DLGAP4: variants seen among roughly 807,000 people sequenced by gnomAD.
DLGAP4 encodes the protein disks large-associated protein 4.
DLGAP4 carries 18 observed loss-of-function variants against 86.9 expected under a neutral mutation model. That is an observed-to-expected ratio of 0.21 (90% confidence interval 0.14 to 0.31). DLGAP4 has a LOEUF of 0.31. DLGAP4 is among the 10% of genes least tolerant of loss of function. The pLI, the probability that DLGAP4 is intolerant of heterozygous loss-of-function variation, is 1.00. For missense variants in DLGAP4, 1,085 were observed against 1,362.6 expected (o/e 0.80, Z 3.21); for synonymous variants, 548 against 574.3 (o/e 0.95, Z 0.65).
In DLGAP4 at chr20:36,350,383, A is replaced by G. The variant is rs187394906; in HGVS notation, c.-303-16662A>G. ...GCAGTGGGGTCCTGTGACCTTATCC[A>G]TCCACCTGGCCCTGAGGAGGCCCCT... On this transcript the variant is annotated intron_variant, in intron 1 of 12. Transcript: ENST00000339266. This position sits in a 1 kb window ranked among gnomAD's most constrained non-coding sequence, Gnocchi z 4.4. 5.8e-4 allele frequency among the ~76,000 whole-genome samples: 88 copies of G among 152,286 alleles called. No homozygotes were observed. The highest frequency in any genetic ancestry group is 3.4e-3 in the Middle Eastern group (1 of 292).
chr20:36,382,660 G>T (rs1202128676), intron 2 of DLGAP4, among the ~76,000 whole-genome samples: 1 of 151,522 alleles, frequency 6.6e-6, no homozygotes, highest in Non-Finnish European at 1.5e-5. Flanking sequence ...CTCCCGAGTA[G>T]CTGGGACTAC....
chr20:36,476,007 C>T (rs564376059), intron 7 of DLGAP4, among the ~76,000 whole-genome samples: 28 of 152,000 alleles, frequency 1.8e-4, no homozygotes, highest in South Asian at 8.3e-4. Flanking sequence ...TGCAGGCACG[C>T]GCCACCACAC....
intron 1 of DLGAP4, among the ~76,000 whole-genome samples, chr20:36,324,611 C>G (rs1555890891): frequency 6.6e-6 from 1 of 152,056 alleles, no homozygotes; most frequent in African/African-American, 2.4e-5. Context: ...GGTCTTGGCA[C>G]CCCTTTCGAA....
intron 2 of DLGAP4, among the ~76,000 whole-genome samples, chr20:36,406,528 G>T (rs901750994): frequency 2.0e-5 from 3 of 151,986 alleles, no homozygotes; most frequent in African/African-American, 7.2e-5. Flanking sequence ...GATGCTCTGC[G>T]TGTCTTGGTC....
intron 10 of DLGAP4, among the ~76,000 whole-genome samples, chr20:36,503,522 C>G (rs1241803444): frequency 1.6e-5 from 2 of 122,760 alleles, no homozygotes; most frequent in Admixed American, 2.1e-4. Context: ...GAGTCTCGCT[C>G]TGTCTTCCAG....
At chr20:36,521,730 C>A (rs940911823) in intron 10 of DLGAP4, among the ~76,000 whole-genome samples, 2 of 152,100 alleles carry the variant, frequency 1.3e-5, no homozygotes, top group African/African-American at 2.4e-5. Flanking sequence ...AGTTCCAGAG[C>A]CCCTGTTTTA....
Position 36,395,828 on chromosome 20 carries a change from C to T in DLGAP4, c.-73+28553C>T, listed in dbSNP as rs142818270. Among the ~76,000 whole-genome samples the T allele has an allele frequency of 1.1e-4, 17 of 152,290 alleles. No individual in the cohort carries two copies. In the East Asian group the frequency reaches 3.3e-3, roughly 29 times the overall value. On this transcript the variant is annotated intron_variant, in intron 2 of 12. Transcript: ENST00000339266. ...GAGCAGGGGTGTGGCAAACATTAGT[C>T]TCTGTGCTGGATGGTCACACATATT...
At position 36,360,979 on chromosome 20, in the gene DLGAP4, G is replaced by A. The variant is rs536911787; in HGVS notation, c.-303-6066G>A. 7.9e-5 allele frequency among the ~76,000 whole-genome samples: 12 copies of A among 152,126 alleles called. No homozygotes were observed. The South Asian group carries it at 1.0e-3, about 13-fold the overall frequency. On this transcript the variant is annotated intron_variant, in intron 1 of 12. Transcript: ENST00000339266. ...GACCTCGGGCTGCACAGAGAGACTC[G>A]GGAGGTCAGTATGGGTGGTGATTCG...
chr20:36,440,100 T>TA (rs2033405762), intron 5 of DLGAP4, among the ~76,000 whole-genome samples: 2 of 152,122 alleles, frequency 1.3e-5, no homozygotes, highest in South Asian at 4.1e-4. Flanking sequence ...ACCACCACTG[T>TA]AAACACAGGC....
intron 2 of DLGAP4, among the ~76,000 whole-genome samples, chr20:36,397,843 C>T (rs1366437458): frequency 6.6e-6 from 1 of 152,206 alleles, no homozygotes; most frequent in Non-Finnish European, 1.5e-5. Flanking sequence ...CAAATTAGGC[C>T]AGGCATGGTG....
intron 2 of DLGAP4, among the ~76,000 whole-genome samples, chr20:36,369,448 C>A (rs2030834574): frequency 6.6e-6 from 1 of 152,098 alleles, no homozygotes; most frequent in South Asian, 2.1e-4. Flanking sequence ...CAAAAATTAG[C>A]CAGGTGTGGT....
intron 1 of DLGAP4, among the ~76,000 whole-genome samples, chr20:36,318,953 G>T (rs1278404140): frequency 6.6e-6 from 1 of 152,106 alleles, no homozygotes; most frequent in Non-Finnish European, 1.5e-5. Flanking sequence ...AGACCATCCT[G>T]ACCAACGAGG....
At chr20:36,464,863 A>C (rs2034270030) in intron 7 of DLGAP4, among the ~76,000 whole-genome samples, 1 of 152,098 alleles carries the variant, frequency 6.6e-6, no homozygotes, top group Non-Finnish European at 1.5e-5. Context: ...AAAAAAAAAA[A>C]GAAGAAACTG....
intron 2 of DLGAP4, among the ~76,000 whole-genome samples, chr20:36,402,316 C>T (rs2032187013): frequency 6.6e-6 from 1 of 152,194 alleles, no homozygotes; most frequent in African/African-American, 2.4e-5. Flanking sequence ...CTTCTCTGGA[C>T]TCAGTTTCCT....
chr20:36,346,620 T>C (rs1337499074), intron 1 of DLGAP4, among the ~76,000 whole-genome samples: 8 of 152,160 alleles, frequency 5.3e-5, no homozygotes, highest in Non-Finnish European at 1.5e-5. Context: ...GTGGGATTTA[T>C]CTGGATTGTC....
intron 7 of DLGAP4, among the ~76,000 whole-genome samples, chr20:36,456,337 C>G (rs1292527816): frequency 6.6e-6 from 1 of 152,160 alleles, no homozygotes. Flanking sequence ...CCACCCAGTC[C>G]TGGTAAAGCA....
At chr20:36,342,786 G>GC (rs1418410620) in intron 1 of DLGAP4, among the ~76,000 whole-genome samples, 2 of 152,210 alleles carry the variant, frequency 1.3e-5, no homozygotes, top group Admixed American at 1.3e-4. Context: ...GAAATCAAAA[G>GC]CCAGAACTAG....
chr20:36,523,767 G>A (rs1180470037), intron 10 of DLGAP4, among the ~76,000 whole-genome samples: 1 of 152,162 alleles, frequency 6.6e-6, no homozygotes, highest in African/African-American at 2.4e-5. Flanking sequence ...GGGTTCAAAT[G>A]ATTCTCCTGC....
At chr20:36,331,383 G>A (rs1226103048) in intron 1 of DLGAP4, among the ~76,000 whole-genome samples, 1 of 152,240 alleles carries the variant, frequency 6.6e-6, no homozygotes, top group Non-Finnish European at 1.5e-5. Flanking sequence ...CGATGGCCTT[G>A]GAGGGAGCAG....
Sources: gnomAD v4.1 joint callset for allele counts (sites outside exome capture counted in the v4.1 genomes callset) on GRCh38, gnomAD v4.1.1 for gene constraint, Gnocchi (gnomAD v3.1) non-coding constraint, MANE v1.5 for transcripts, NCBI Gene and HGNC (gene_info 2026-07-23, HGNC 2026-07-21) for gene names.